Variants in RSPO4 observed in about 807,000 individuals in gnomAD.
The protein encoded by RSPO4 is R-spondin 4.
In RSPO4, 23 loss-of-function variants were observed where a neutral mutation model predicts 24.8. The observed-to-expected ratio is 0.93, with a 90% CI of 0.67 to 1.31. The LOEUF is 1.31. RSPO4 is among the 40% of genes most tolerant of loss of function. The pLI, the probability that RSPO4 is intolerant of heterozygous loss-of-function variation, is 0.00. For synonymous variants in RSPO4, 141 were observed against 127.4 expected (o/e 1.11, Z -0.72); for missense variants, 333 against 316.5 (o/e 1.05, Z -0.39).
At chr20:965,533 C>T (rs973843311) in intron 3 of RSPO4, among the ~76,000 whole-genome samples, 1 of 152,240 alleles carries the variant, frequency 6.6e-6, no homozygotes, top group Non-Finnish European at 1.5e-5. Flanking sequence ...TTGTGAAATA[C>T]TCCCTCTGCT....
intron 1 of RSPO4, among the ~76,000 whole-genome samples, chr20:995,652 C>G (rs1985256187): frequency 6.6e-6 from 1 of 152,222 alleles, no homozygotes; most frequent in African/African-American, 2.4e-5. Context: ...GAGACAGACT[C>G]TCTGGGCTTA....
rs1477506761 is a variant in RSPO4, at chr20:990,835, T to G, written c.79+11251A>C. 3.9e-5 allele frequency among the ~76,000 whole-genome samples: 6 copies of G among 152,178 alleles called. No homozygotes were observed. The East Asian group carries it at 7.7e-4, about 20-fold the overall frequency. ...ATTCACTGCTGTTGAGCTTACTACC[T>G]CCATCAGAGTAGGGGAAAGGGGACC... On this transcript the variant is annotated intron_variant, in intron 1 of 4. Coordinates refer to ENST00000217260, the MANE Select transcript of RSPO4 (RefSeq NM_001029871.4).
intron 1 of RSPO4, among the ~76,000 whole-genome samples, chr20:991,474 C>A (rs1370792621): frequency 6.6e-6 from 1 of 151,780 alleles, no homozygotes. Context: ...CTAGGTAATA[C>A]AAGGAAGCCC....
chr20:968,494 A>AAAATCAGATAAAAAGCAC (rs1434889973), intron 1 of RSPO4, among the ~76,000 whole-genome samples: 1 of 152,244 alleles, frequency 6.6e-6, no homozygotes, highest in African/African-American at 2.4e-5. Context: ...AGGCGGTGGA[A>AAAATCAGATAAAAAGCAC]AAATCAGATA....
chr20:1,002,028 G>T lies in RSPO4; in HGVS notation c.79+58C>A. ...CCAGAGCCGCCGCCCCCGGTCCTCCGGCCCCCGGTCTGCCCCGCAGCGCCT... is the reference window on the plus strand; with the variant it reads ...CCAGAGCCGCCGCCCCCGGTCCTCCTGCCCCCGGTCTGCCCCGCAGCGCCT... On this transcript the variant is annotated intron_variant, in intron 1 of 4. Coordinates refer to ENST00000217260, the MANE Select transcript of RSPO4 (RefSeq NM_001029871.4). This position sits in a 1 kb window ranked among gnomAD's most constrained non-coding sequence, Gnocchi z 4.6. 1 of 1,458,084 alleles carries T rather than the reference G, an allele frequency of 6.9e-7. No homozygotes were observed. Among genetic ancestry groups the T allele is most frequent in the Non-Finnish European group, 9.4e-7 (1 of 1,069,218 alleles). The allele number at this position is 1,458,084 out of a possible 1,614,324, so 90.3% of individuals were successfully genotyped here.
chr20:990,121 A>G (rs1428466631), intron 1 of RSPO4, among the ~76,000 whole-genome samples: 2 of 152,186 alleles, frequency 1.3e-5, no homozygotes, highest in Non-Finnish European at 2.9e-5. Context: ...CCAGCTCCTA[A>G]CTACTGGAGA....
chr20:965,992 T>C (rs1201710853), intron 3 of RSPO4, among the ~76,000 whole-genome samples: 1 of 152,152 alleles, frequency 6.6e-6, no homozygotes, highest in African/African-American at 2.4e-5. Context: ...TGTCTGCATC[T>C]CGCGCATGCC....
In RSPO4 at chr20:960,508, C is replaced by A. The variant is rs983007174; in HGVS notation, c.596-42G>T. 2.6e-5 allele frequency: 37 copies of A among 1,418,222 alleles called. No homozygotes were observed. In the African/African-American group the frequency reaches 5.1e-4, roughly 20 times the overall value. 87.9% of individuals were successfully genotyped at this position (1,418,222 alleles called of 1,614,324 possible). On this transcript the variant is annotated intron_variant, in intron 4 of 4. Coordinates refer to ENST00000217260, the MANE Select transcript of RSPO4 (RefSeq NM_001029871.4). ...GAGCCCGGTGACCAAGGCTGCAGGGCCAGTTAGGTCCTGGGAGCCTCCTCA... is the reference window on the plus strand; with the variant it reads ...GAGCCCGGTGACCAAGGCTGCAGGGACAGTTAGGTCCTGGGAGCCTCCTCA...
chr20:1,000,867 C>T (rs995752185), intron 1 of RSPO4, among the ~76,000 whole-genome samples: 5 of 152,206 alleles, frequency 3.3e-5, no homozygotes, highest in Non-Finnish European at 5.9e-5. Flanking sequence ...ACAGTCTCCC[C>T]AACCCCATCC....
intron 1 of RSPO4, among the ~76,000 whole-genome samples, chr20:971,046 T>C (rs919444164): frequency 6.6e-6 from 1 of 152,206 alleles, no homozygotes; most frequent in Non-Finnish European, 1.5e-5. Flanking sequence ...TCTCTCTCTG[T>C]TTCCCAGGCT....
intron 1 of RSPO4, among the ~76,000 whole-genome samples, chr20:997,229 G>C (rs1247820373): frequency 6.6e-6 from 1 of 152,206 alleles, no homozygotes; most frequent in Non-Finnish European, 1.5e-5. Context: ...TCAGTGGCCT[G>C]AATCTCCTTC....
chr20:967,846 T>C (rs924112024), intron 2 of RSPO4, 104 bp downstream of exon 2: 54 of 1,172,014 alleles, frequency 4.6e-5, no homozygotes, highest in Admixed American at 8.4e-5. Flanking sequence ...GGCTTAGACA[T>C]GCACCTACTT....
chr20:985,010 CCCAT>C (rs1278134377), intron 1 of RSPO4, among the ~76,000 whole-genome samples: 1 of 135,998 alleles, frequency 7.4e-6, no homozygotes, highest in Admixed American at 7.2e-5. Flanking sequence ...CATCCATCCA[CCCAT>C]CCATCCATCC....
rs1160522383 is a variant in RSPO4, at chr20:960,469, G to A, written c.596-3C>T. 1.3e-6 allele frequency: 2 copies of A among 1,533,092 alleles called. No individual in the cohort carries two copies. Among genetic ancestry groups the A allele is most frequent in the East Asian group, 2.4e-5 (1 of 40,870 alleles). 95.0% of individuals were successfully genotyped at this position (1,533,092 alleles called of 1,614,324 possible). The stretch of plus-strand genomic sequence containing the variant: ...CTTCTTCTGGCCGGGGCTCCTCTCT[G>A]CAATGAGAGGACAGAGCCCGGTGAC... On this transcript the variant is annotated splice_region_variant and splice_polypyrimidine_tract_variant and intron_variant, in intron 4 of 4. Transcript: ENST00000217260.
At chr20:999,345 C>CTCTG (rs1985392284) in intron 1 of RSPO4, among the ~76,000 whole-genome samples, 1 of 152,158 alleles carries the variant, frequency 6.6e-6, no homozygotes, top group African/African-American at 2.4e-5. Flanking sequence ...CTTCAGCATG[C>CTCTG]TCTGATAAGT....
In RSPO4 at chr20:959,543, TG is replaced by T; in HGVS notation, c.*813del. ...CAGTGACAGCTCACCTGATCCGGCT[TG>T]GGAAAAAGGGGCATGGAACCCATGA... On this transcript the variant is annotated 3_prime_UTR_variant, in exon 5 of 5. Coordinates refer to ENST00000217260, the MANE Select transcript of RSPO4 (RefSeq NM_001029871.4). 6.6e-6 allele frequency: 1 copy of T among 152,392 alleles called. No homozygotes were observed. The highest frequency in any genetic ancestry group is 1.5e-5 in the Non-Finnish European group (1 of 68,152). The allele number at this position is 152,392 out of a possible 1,614,324, so 9.4% of individuals were successfully genotyped here.
Position 967,290 on chromosome 20 carries a change from C to T in RSPO4, c.293G>A (p.Cys98Tyr), listed in dbSNP as rs1984243687. Reference sequence around the variant, plus strand: ...CCGGATGCAGAAGTCCTGGCTGAAGCAGCTCTCACAAGTGGCCCCACATTC... The same window carrying T: ...CCGGATGCAGAAGTCCTGGCTGAAGTAGCTCTCACAAGTGGCCCCACATTC... ...CKKCGATCES[C>Y]FSQDFCIRCK... Residue 98 changes from cysteine (C) to tyrosine (Y), a missense_variant, in exon 3 of 5, where the codon TGC becomes TAC. Transcript: ENST00000217260. 1.2e-6 allele frequency: 2 copies of T among 1,614,198 alleles called. No individual in the cohort carries two copies. Among genetic ancestry groups the T allele is most frequent in the Admixed American group, 3.3e-5 (2 of 60,032 alleles).
At position 967,534 on chromosome 20, in the gene RSPO4, G is replaced by A. The variant is rs146194786; in HGVS notation, c.269-220C>T. On this transcript the variant is annotated intron_variant, in intron 2 of 4. Transcript: ENST00000217260. ...ATTTGAGGGGAGGCTCAGAGAGAGCGAGTGACTTGCTTGAAGTCACCCGCA... is the reference window on the plus strand; with the variant it reads ...ATTTGAGGGGAGGCTCAGAGAGAGCAAGTGACTTGCTTGAAGTCACCCGCA... Among the ~76,000 whole-genome samples the A allele has an allele frequency of 7.3e-4, 111 of 152,322 alleles. 2 individuals are homozygous for A. The East Asian group carries it at 0.019, about 26-fold the overall frequency.
At position 990,222 on chromosome 20, in the gene RSPO4, C is replaced by A. The variant is rs1985052744; in HGVS notation, c.79+11864G>T. ...ACAAATGCTATTTAAAGTCATACGT[C>A]TCTCAGGTCCCGAGGCACACCAGGG... On this transcript the variant is annotated intron_variant, in intron 1 of 4. Coordinates refer to ENST00000217260, the MANE Select transcript of RSPO4 (RefSeq NM_001029871.4). 3.3e-5 allele frequency among the ~76,000 whole-genome samples: 5 copies of A among 152,178 alleles called. No homozygotes were observed. The South Asian group carries it at 1.0e-3, about 32-fold the overall frequency.
Sources: allele counts gnomAD v4.1 joint callset (sites outside exome capture counted in the v4.1 genomes callset), GRCh38; gene constraint gnomAD v4.1.1; non-coding constraint Gnocchi (gnomAD v3.1); transcripts MANE v1.5; gene names NCBI Gene and HGNC (gene_info 2026-07-23, HGNC 2026-07-21).